HS6ST3: variants seen among roughly 807,000 people sequenced by gnomAD.
The protein encoded by HS6ST3 is heparan sulfate 6-O-sulfotransferase 3.
Under a neutral mutation model 36.7 loss-of-function variants are expected in HS6ST3, and 12 were observed. The observed-to-expected ratio is 0.33, with a 90% confidence interval of 0.21 to 0.53. HS6ST3 has a LOEUF of 0.53. Among genes scored for constraint, HS6ST3 ranks in the 20% least tolerant of loss-of-function variants. The pLI, the probability that HS6ST3 is intolerant of heterozygous loss-of-function variation, is 0.95. For synonymous variants in HS6ST3, 240 were observed against 257.5 expected, an observed-to-expected ratio of 0.93 and a Z score of 0.65; for missense variants, 584 against 640.9, an observed-to-expected ratio of 0.91 and a Z score of 0.96.
chr13:96,595,074 C>T (rs749452811), intron 1 of HS6ST3, among the ~76,000 whole-genome samples: 4 of 152,086 alleles, frequency 2.6e-5, no homozygotes, highest in Non-Finnish European at 4.4e-5. Context: ...GAGACAAGGC[C>T]TCACTCTGTC....
intron 1 of HS6ST3, among the ~76,000 whole-genome samples, chr13:96,103,614 A>G (rs559372281): frequency 6.6e-6 from 1 of 152,328 alleles, no homozygotes; most frequent in South Asian, 2.1e-4. Context: ...GGCACTTCGT[A>G]AATTATACAG....
intron 1 of HS6ST3, among the ~76,000 whole-genome samples, chr13:96,780,480 C>T (rs553319828): frequency 6.6e-6 from 1 of 152,248 alleles, no homozygotes; most frequent in East Asian, 1.9e-4. Flanking sequence ...TATTTCCTCC[C>T]TTAATCTAGT....
intron 1 of HS6ST3, among the ~76,000 whole-genome samples, chr13:96,254,500 C>T (rs9525167): frequency 2.2e-3 from 42 of 19,072 alleles, no homozygotes; most frequent in Admixed American, 5.9e-3. Context: ...TATATATATA[C>T]ACATACATAC....
At chr13:96,605,480 T>G (rs975894324) in intron 1 of HS6ST3, among the ~76,000 whole-genome samples, 4 of 152,252 alleles carry the variant, frequency 2.6e-5, no homozygotes, top group African/African-American at 7.2e-5. Context: ...TTCTATAAAC[T>G]ATTACATACT....
intron 1 of HS6ST3, among the ~76,000 whole-genome samples, chr13:96,126,434 G>A (rs1297161573): frequency 1.3e-5 from 2 of 152,172 alleles, no homozygotes; most frequent in Non-Finnish European, 2.9e-5. Context: ...GGATGGTAAA[G>A]GAATTTACTA....
intron 1 of HS6ST3, among the ~76,000 whole-genome samples, chr13:96,448,435 C>T (rs1185723979): frequency 3.3e-5 from 5 of 152,110 alleles, no homozygotes; most frequent in Non-Finnish European, 7.3e-5. Context: ...CCAAATGCAC[C>T]GCATGCTCAT....
At chr13:96,400,286 TAG>T (rs2055443867) in intron 1 of HS6ST3, among the ~76,000 whole-genome samples, 2 of 144,746 alleles carry the variant, frequency 1.4e-5, no homozygotes, top group African/African-American at 5.1e-5. Flanking sequence ...GACACACATA[TAG>T]ACACACACAG....
chr13:96,155,699 A>G (rs1364319429), intron 1 of HS6ST3, among the ~76,000 whole-genome samples: 1 of 152,188 alleles, frequency 6.6e-6, no homozygotes, highest in Non-Finnish European at 1.5e-5. Context: ...ATGGCCAACA[A>G]CTTAAGCAAG....
chr13:96,417,463 G>A (rs889264771), intron 1 of HS6ST3, among the ~76,000 whole-genome samples: 3 of 151,976 alleles, frequency 2.0e-5, no homozygotes, highest in African/African-American at 7.3e-5. Flanking sequence ...GCACCCCAAA[G>A]GGGTTTGCTA....
intron 1 of HS6ST3, among the ~76,000 whole-genome samples, chr13:96,511,661 C>A (rs1015191767): frequency 6.6e-6 from 1 of 150,680 alleles, no homozygotes; most frequent in East Asian, 1.9e-4. Context: ...GAACATCTCC[C>A]GATCTATCAT....
chr13:96,218,642 G>A (rs140186067), intron 1 of HS6ST3, among the ~76,000 whole-genome samples: 23 of 152,264 alleles, frequency 1.5e-4, no homozygotes, highest in Middle Eastern at 3.4e-3. Context: ...AGGAAGACAC[G>A]TGTCATGGTC....
chr13:96,590,974 A>G (rs1218745885), intron 1 of HS6ST3, among the ~76,000 whole-genome samples: 2 of 151,678 alleles, frequency 1.3e-5, no homozygotes, highest in Non-Finnish European at 1.5e-5. Context: ...TGTTCTTGGT[A>G]TCTTTGTCAA....
intron 1 of HS6ST3, among the ~76,000 whole-genome samples, chr13:96,192,090 A>G (rs1272183865): frequency 6.6e-6 from 1 of 152,168 alleles, no homozygotes; most frequent in African/African-American, 2.4e-5. Context: ...CCTGGGTTCA[A>G]ATCTGACCCT....
At chr13:96,482,261 G>A (rs576062930) in intron 1 of HS6ST3, among the ~76,000 whole-genome samples, 34 of 152,232 alleles carry the variant, frequency 2.2e-4, no homozygotes, top group Admixed American at 1.0e-3. Context: ...TGGGGCAAAT[G>A]CATGCTCATT....
chr13:96,135,481 G>C lies in HS6ST3; in HGVS notation c.707+43912G>C, dbSNP rs1398745781. 2.6e-5 allele frequency among the ~76,000 whole-genome samples: 4 copies of C among 152,056 alleles called. No individual in the cohort carries two copies. In the South Asian group the frequency reaches 8.3e-4, roughly 32 times the overall value. On this transcript the variant is annotated intron_variant, in intron 1 of 1. Transcript: ENST00000376705. ...AGGAATATTGAGTCTAATTATAAGA[G>C]GAATTTAAAGAAAATTTGTTTGCTA...
intron 1 of HS6ST3, among the ~76,000 whole-genome samples, chr13:96,454,645 T>A (rs1044834976): frequency 1.3e-5 from 2 of 151,980 alleles, no homozygotes; most frequent in African/African-American, 4.8e-5. Flanking sequence ...AACATTTAGG[T>A]TTTTTTAATG....
At chr13:96,331,467 G>A (rs1392619837) in intron 1 of HS6ST3, among the ~76,000 whole-genome samples, 2 of 152,214 alleles carry the variant, frequency 1.3e-5, no homozygotes, top group Admixed American at 6.5e-5. Context: ...CCCCTGCCGG[G>A]GGGATGCCTC....
chr13:96,509,536 G>T (rs777548027), intron 1 of HS6ST3, among the ~76,000 whole-genome samples: 26 of 152,102 alleles, frequency 1.7e-4, no homozygotes, highest in African/African-American at 6.3e-4. Flanking sequence ...GTGAAAGATA[G>T]GGATCCAGTT....
chr13:96,347,673 AG>A (rs1330579356), intron 1 of HS6ST3, among the ~76,000 whole-genome samples: 1 of 152,226 alleles, frequency 6.6e-6, no homozygotes, highest in Non-Finnish European at 1.5e-5. Flanking sequence ...TATAATTCAG[AG>A]GAACAGAACA....
Sources: gnomAD v4.1 joint callset for allele counts (sites outside exome capture counted in the v4.1 genomes callset) on GRCh38, gnomAD v4.1.1 for gene constraint, MANE v1.5 for transcripts, NCBI Gene and HGNC (gene_info 2026-07-23, HGNC 2026-07-21) for gene names.